ROR2: variants seen among roughly 807,000 people sequenced by gnomAD.
ROR2 encodes tyrosine-protein kinase transmembrane receptor ROR2.
ROR2 carries 33 observed loss-of-function variants against 74.9 expected under a neutral mutation model. The ratio of observed to expected loss-of-function variants is 0.44; its 90% CI spans 0.33 to 0.59. The LOEUF (loss-of-function observed/expected upper bound fraction) is 0.59, where lower values mean the gene tolerates loss of function less well. Ranked by LOEUF, ROR2 falls within the 20% of genes least tolerant of loss-of-function variation. The pLI is 0.02. For missense variants in ROR2, 1,216 were observed against 1,313.8 expected, an observed-to-expected ratio of 0.93 and a Z score of 1.15; for synonymous variants, 586 against 558.7, an observed-to-expected ratio of 1.05 and a Z score of -0.69.
chr9:91,869,703 C>T (rs11790144), intron 1 of ROR2, among the ~76,000 whole-genome samples: 1 of 151,986 alleles, frequency 6.6e-6, no homozygotes. Flanking sequence ...TACCACAAGG[C>T]AGCTGCAATT....
chr9:91,825,015 G>A (rs557021081), intron 1 of ROR2, among the ~76,000 whole-genome samples: 9 of 152,338 alleles, frequency 5.9e-5, no homozygotes, highest in African/African-American at 1.9e-4. Context: ...AGTCAGACAG[G>A]CCACAGGGCT....
intron 1 of ROR2, among the ~76,000 whole-genome samples, chr9:91,874,165 GA>G (rs1829886503): frequency 1.3e-5 from 2 of 152,178 alleles, no homozygotes; most frequent in African/African-American, 4.8e-5. Flanking sequence ...TAGGGGAAGA[GA>G]AAAGACCCTT....
intron 1 of ROR2, among the ~76,000 whole-genome samples, chr9:91,784,422 G>T (rs1434160658): frequency 6.6e-6 from 1 of 152,216 alleles, no homozygotes; most frequent in African/African-American, 2.4e-5. Flanking sequence ...CATGGGTGAA[G>T]TTCAGATGCA....
chr9:91,865,736 A>T (rs1829613085), intron 1 of ROR2, among the ~76,000 whole-genome samples: 1 of 152,222 alleles, frequency 6.6e-6, no homozygotes, highest in Non-Finnish European at 1.5e-5. Flanking sequence ...GGGGTGAGGA[A>T]GTGAAGTGAA....
At chr9:91,772,382 C>T (rs1251065670) in intron 2 of ROR2, among the ~76,000 whole-genome samples, 4 of 152,176 alleles carry the variant, frequency 2.6e-5, no homozygotes, top group African/African-American at 2.4e-5. Context: ...CCTTTCATCC[C>T]GCCTATGCTG....
chr9:91,792,458 G>C (rs555147927), intron 1 of ROR2, among the ~76,000 whole-genome samples: 2 of 152,144 alleles, frequency 1.3e-5, no homozygotes, highest in East Asian at 3.9e-4. Flanking sequence ...ACAGGCGCCC[G>C]CCACCACGCC....
chr9:91,803,398 G>A (rs538943048), intron 1 of ROR2, among the ~76,000 whole-genome samples: 1 of 152,228 alleles, frequency 6.6e-6, no homozygotes, highest in Admixed American at 6.5e-5. Flanking sequence ...CCAGAGGCTG[G>A]AGGAGGGGAC....
At chr9:91,908,067 A>G (rs1039155856) in intron 1 of ROR2, among the ~76,000 whole-genome samples, 1 of 151,638 alleles carries the variant, frequency 6.6e-6, no homozygotes, top group Non-Finnish European at 1.5e-5. Context: ...CCTATGACAA[A>G]AAGTTGGATA....
intron 2 of ROR2, among the ~76,000 whole-genome samples, chr9:91,757,787 G>T (rs1162995778): frequency 2.6e-5 from 4 of 152,148 alleles, no homozygotes; most frequent in Non-Finnish European, 5.9e-5. Context: ...ATTCCTGTGA[G>T]CCTCTCGTCA....
chr9:91,752,040 A>G (rs10739919), intron 4 of ROR2, among the ~76,000 whole-genome samples: 118,595 of 152,212 alleles, frequency 0.78, 46,355 homozygotes, highest in African/African-American at 0.85. Flanking sequence ...TGATATAAAA[A>G]ATCACTTGAA....
rs756543109 is a variant in ROR2, at chr9:91,733,405, G to A, written c.654C>T (p.His218=). The change falls in exon 6 of 9, where the codon CAC becomes CAT. Residue 218 remains histidine, a synonymous_variant. Coordinates refer to ENST00000375708, the MANE Select transcript of ROR2 (RefSeq NM_004560.4). This position sits in a 1 kb window ranked among gnomAD's most constrained non-coding sequence, Gnocchi z 5.7. ...CGAACTGTGAGCACTGGTCCGACAG[G>A]TGCGTAGACGTGCCGATCATGGTGA... ...AAFTMIGTST[H]LSDQCSQFAI... is the part of the protein sequence containing the mutation. The A allele has an allele frequency of 4.8e-5, 78 of 1,611,396 alleles. No homozygotes were observed. The highest frequency in any genetic ancestry group is 6.1e-5 in the Non-Finnish European group (72 of 1,179,716).
At chr9:91,826,070 T>C (rs1257938779) in intron 1 of ROR2, among the ~76,000 whole-genome samples, 1 of 152,190 alleles carries the variant, frequency 6.6e-6, no homozygotes, top group Admixed American at 6.5e-5. Flanking sequence ...GTTGTACGTA[T>C]CCTGTGGTTT....
intron 4 of ROR2, among the ~76,000 whole-genome samples, chr9:91,741,565 T>C (rs1825248127): frequency 6.6e-6 from 1 of 152,048 alleles, no homozygotes; most frequent in African/African-American, 2.4e-5. Context: ...TTTTTTAAGG[T>C]TGAAAAGGAA....
chr9:91,927,053 G>A (rs887551301), intron 1 of ROR2, among the ~76,000 whole-genome samples: 5 of 145,942 alleles, frequency 3.4e-5, no homozygotes, highest in African/African-American at 9.8e-5. Flanking sequence ...AAAATAACAC[G>A]TTTTTTATAA....
intron 1 of ROR2, among the ~76,000 whole-genome samples, chr9:91,869,703 C>A (rs11790144): frequency 0.29 from 44,005 of 152,044 alleles, 6,856 homozygotes; most frequent in East Asian, 0.45. Context: ...TACCACAAGG[C>A]AGCTGCAATT....
intron 1 of ROR2, among the ~76,000 whole-genome samples, chr9:91,806,613 A>G (rs909992622): frequency 3.3e-5 from 5 of 151,406 alleles, no homozygotes; most frequent in Non-Finnish European, 5.9e-5. Flanking sequence ...TGTTTGTGAC[A>G]GAGTCTCGCT....
Position 91,865,378 on chromosome 9 carries a change from T to C in ROR2, c.97+84489A>G, listed in dbSNP as rs553850961. Among the ~76,000 whole-genome samples the C allele has an allele frequency of 1.8e-4, 27 of 152,360 alleles. 1 individual carries two copies. In the South Asian group the frequency reaches 5.4e-3, roughly 30 times the overall value. On this transcript the variant is annotated intron_variant, in intron 1 of 8. Coordinates refer to ENST00000375708, the MANE Select transcript of ROR2 (RefSeq NM_004560.4). ...AATGACCCAACTGTGAAACCACGTT[T>C]TGGCTTTCTTTAATGTATCTGAAAA...
chr9:91,758,395 T>C lies in ROR2; in HGVS notation c.176-836A>G, dbSNP rs184183913. ...GCTCAGAAAGTCCCTCCTCCTTGCC[T>C]ACCATATCATTAAGCACAAAGCCAC... On this transcript the variant is annotated intron_variant, in intron 2 of 8. Coordinates refer to ENST00000375708, the MANE Select transcript of ROR2 (RefSeq NM_004560.4). Among the ~76,000 whole-genome samples, 187 of 152,276 alleles carry C rather than the reference T, an allele frequency of 1.2e-3. 2 individuals are homozygous for C. The highest frequency in any genetic ancestry group is 4.4e-4 in the Non-Finnish European group (30 of 68,018).
intron 1 of ROR2, among the ~76,000 whole-genome samples, chr9:91,797,016 G>GA (rs1827203727): frequency 1.7e-5 from 2 of 119,950 alleles, no homozygotes; most frequent in African/African-American, 7.1e-5. Flanking sequence ...TGTGGGCGGG[G>GA]CTGACACCCT....
Sources: gnomAD v4.1 joint callset for allele counts (sites outside exome capture counted in the v4.1 genomes callset) on GRCh38, gnomAD v4.1.1 for gene constraint, Gnocchi (gnomAD v3.1) non-coding constraint, MANE v1.5 for transcripts, NCBI Gene and HGNC (gene_info 2026-07-23, HGNC 2026-07-21) for gene names.